VKORC1L1: variants seen among roughly 807,000 people sequenced by gnomAD.
VKORC1L1 encodes vitamin K epoxide reductase complex subunit 1L1.
In VKORC1L1, 2 loss-of-function variants were observed where a neutral mutation model predicts 18.9. The observed-to-expected ratio is 0.11, with a 90% CI of 0.04 to 0.33. The LOEUF is 0.33. VKORC1L1 is among the 10% of genes least tolerant of loss of function. The pLI is 1.00. For synonymous variants in VKORC1L1, 96 were observed against 100.0 expected, an observed-to-expected ratio of 0.96 and a Z score of 0.24; for missense variants, 123 against 224.1, an observed-to-expected ratio of 0.55 and a Z score of 2.88.
chr7:65,905,501 G>C (rs1302959313), intron 1 of VKORC1L1, among the ~76,000 whole-genome samples: 1 of 151,944 alleles, frequency 6.6e-6, no homozygotes, highest in Non-Finnish European at 1.5e-5. Flanking sequence ...AGTAGAGACA[G>C]GGTTTCACCA....
intron 1 of VKORC1L1, among the ~76,000 whole-genome samples, chr7:65,895,469 AAAAAAAAAAAAATAT>A (rs1483532094): frequency 6.1e-4 from 33 of 53,958 alleles, no homozygotes; most frequent in Non-Finnish European, 1.0e-3. Flanking sequence ...AAAAAAAAAA[AAAAAAAAAAAAATAT>A]ATATATATAT....
At chr7:65,923,722 C>CA (rs1481202271) in intron 1 of VKORC1L1, among the ~76,000 whole-genome samples, 1 of 152,058 alleles carries the variant, frequency 6.6e-6, no homozygotes, top group Non-Finnish European at 1.5e-5. Context: ...GAATGGGCTG[C>CA]AAGAGAATTC....
In VKORC1L1 at chr7:65,955,451, A is replaced by C. The variant is rs1321582067; in HGVS notation, c.*1151A>C. Reference sequence around the variant, plus strand: ...ATGCTGCCCAGTTTGCTTCATCGGGAGAATAGCAACAGGTAGACACATCTC... The same window carrying C: ...ATGCTGCCCAGTTTGCTTCATCGGGCGAATAGCAACAGGTAGACACATCTC... On this transcript the variant is annotated 3_prime_UTR_variant, in exon 3 of 3. Transcript: ENST00000360768. 1 of 152,222 alleles carries C rather than the reference A, an allele frequency of 6.6e-6. No homozygotes were observed. The highest frequency in any genetic ancestry group is 1.5e-5 in the Non-Finnish European group (1 of 68,028). The allele number at this position is 152,222 out of a possible 1,614,324, so 9.4% of individuals were successfully genotyped here.
At chr7:65,915,216 C>T (rs1481069788) in intron 1 of VKORC1L1, among the ~76,000 whole-genome samples, 3 of 151,258 alleles carry the variant, frequency 2.0e-5, no homozygotes, top group Non-Finnish European at 3.0e-5. Flanking sequence ...CTCAGCCTCC[C>T]GAGTAGCTGG....
intron 1 of VKORC1L1, among the ~76,000 whole-genome samples, chr7:65,912,090 C>CT (rs1789511574): frequency 6.6e-6 from 1 of 152,178 alleles, no homozygotes; most frequent in African/African-American, 2.4e-5. Flanking sequence ...CACCATTGTA[C>CT]TCCAGCCTGA....
chr7:65,900,446 T>A (rs1316151501), intron 1 of VKORC1L1, among the ~76,000 whole-genome samples: 8 of 150,738 alleles, frequency 5.3e-5, no homozygotes, highest in Non-Finnish European at 8.9e-5. Flanking sequence ...ACAAAACAGA[T>A]CATCATTCTT....
chr7:65,920,610 G>C (rs1259059788), intron 1 of VKORC1L1, among the ~76,000 whole-genome samples: 2 of 152,194 alleles, frequency 1.3e-5, no homozygotes, highest in Admixed American at 1.3e-4. Flanking sequence ...TCTTGGCCAG[G>C]TGTCAAAAGC....
chr7:65,914,013 C>A (rs192490237), intron 1 of VKORC1L1, among the ~76,000 whole-genome samples: 4 of 151,930 alleles, frequency 2.6e-5, no homozygotes, highest in Non-Finnish European at 5.9e-5. Context: ...AGACTCCAAC[C>A]CTTATTTCTT....
intron 1 of VKORC1L1, among the ~76,000 whole-genome samples, chr7:65,914,008 C>G (rs1789546007): frequency 6.6e-6 from 1 of 151,966 alleles, no homozygotes; most frequent in African/African-American, 2.4e-5. Context: ...ACCTTAGACT[C>G]CAACCCTTAT....
intron 1 of VKORC1L1, among the ~76,000 whole-genome samples, chr7:65,888,108 T>C (rs190785376): frequency 6.6e-6 from 1 of 152,228 alleles, no homozygotes; most frequent in Non-Finnish European, 1.5e-5. Flanking sequence ...TCTGTGTGTG[T>C]GAGATGCAAT....
At chr7:65,871,875 GA>G (rs202125801), upstream of VKORC1L1, among the ~76,000 whole-genome samples, 1 of 151,530 alleles carries the variant, frequency 6.6e-6, no homozygotes, top group Non-Finnish European at 1.5e-5. Flanking sequence ...AACTGTGAGG[GA>G]AAAAAAAGTT....
At chr7:65,871,343 G>C (rs1326980133), upstream of VKORC1L1, among the ~76,000 whole-genome samples, 1 of 152,168 alleles carries the variant, frequency 6.6e-6, no homozygotes, top group Non-Finnish European at 1.5e-5. Flanking sequence ...TTACAGGCAT[G>C]TGCCACCGCA....
intron 1 of VKORC1L1, 31 bp downstream of exon 1, chr7:65,873,596 G>A: frequency 6.8e-7 from 1 of 1,480,378 alleles, no homozygotes. Flanking sequence ...GGCCAGGAGC[G>A]GCCGAGCGGG....
intron 1 of VKORC1L1, among the ~76,000 whole-genome samples, chr7:65,887,253 T>A (rs1390275714): frequency 2.0e-5 from 3 of 152,166 alleles, no homozygotes; most frequent in African/African-American, 7.2e-5. Context: ...ATAACAGTTT[T>A]CTTAAAATTT....
upstream of VKORC1L1, among the ~76,000 whole-genome samples, chr7:65,871,756 T>C (rs1218720099): frequency 1.3e-5 from 2 of 151,970 alleles, no homozygotes; most frequent in African/African-American, 2.4e-5. Flanking sequence ...TGAAAGAGGA[T>C]TCTGAAGCCT....
At chr7:65,895,894 CT>C (rs899804086) in intron 1 of VKORC1L1, among the ~76,000 whole-genome samples, 237 of 113,278 alleles carry the variant, frequency 2.1e-3, no homozygotes, top group East Asian at 7.1e-3. Context: ...TATCTCACTT[CT>C]TTTTTTTTTT....
chr7:65,878,946 A>AT (rs1399340312), intron 1 of VKORC1L1, among the ~76,000 whole-genome samples: 1 of 152,182 alleles, frequency 6.6e-6, no homozygotes, highest in Admixed American at 6.6e-5. Context: ...TAGGTAAGGC[A>AT]TTCGCTGCTT....
intron 1 of VKORC1L1, among the ~76,000 whole-genome samples, chr7:65,937,473 C>T (rs1377743550): frequency 6.6e-6 from 1 of 152,194 alleles, no homozygotes; most frequent in Non-Finnish European, 1.5e-5. Flanking sequence ...CAGCTCACTG[C>T]AGCCTTGACC....
In VKORC1L1 at chr7:65,954,256, T is replaced by C; in HGVS notation, c.487T>C (p.Leu163=). Reference sequence around the variant, plus strand: ...TATCAACTACAAACGACTAGTTTACTTGAACGAGGCCTGGAAGCGGCAGCT... The same window carrying C: ...TATCAACTACAAACGACTAGTTTACCTGAACGAGGCCTGGAAGCGGCAGCT... ...LIINYKRLVY[L]NEAWKRQLQP... The change falls in exon 3 of 3, where the codon TTG becomes CTG. Residue 163 remains leucine, a synonymous_variant. Coordinates refer to ENST00000360768, the MANE Select transcript of VKORC1L1 (RefSeq NM_173517.6). 2 of 1,614,184 alleles carry C rather than the reference T, an allele frequency of 1.2e-6. No individual in the cohort carries two copies. The highest frequency in any genetic ancestry group is 1.7e-6 in the Non-Finnish European group (2 of 1,180,032).
Sources: gnomAD v4.1 joint callset for allele counts (sites outside exome capture counted in the v4.1 genomes callset) on GRCh38, gnomAD v4.1.1 for gene constraint, MANE v1.5 for transcripts, NCBI Gene and HGNC (gene_info 2026-07-23, HGNC 2026-07-21) for gene names.